Variants in MAP2K5 observed in about 807,000 individuals in gnomAD.
MAP2K5 encodes the protein dual specificity mitogen-activated protein kinase kinase 5.
A neutral mutation model predicts 83.1 loss-of-function variants in MAP2K5; 49 were observed. That is an observed-to-expected ratio of 0.59 (90% CI 0.47 to 0.75). The LOEUF (loss-of-function observed/expected upper bound fraction) is 0.75, where lower values mean the gene tolerates loss of function less well. MAP2K5 is among the 30% of genes least tolerant of loss of function. The probability of loss-of-function intolerance (pLI) is 0.00; values close to 1 mark genes in which losing one functional copy is unlikely to be tolerated. For synonymous variants in MAP2K5, 202 were observed against 191.8 expected, an observed-to-expected ratio of 1.05 and a Z score of -0.44; for missense variants, 457 against 557.5, an observed-to-expected ratio of 0.82 and a Z score of 1.82.
intron 6 of MAP2K5, among the ~76,000 whole-genome samples, chr15:67,591,979 C>T (rs886736727): frequency 9.2e-5 from 14 of 151,848 alleles, no homozygotes; most frequent in African/African-American, 3.1e-4. Flanking sequence ...GGCATGGTGG[C>T]ACATGCCTAT....
At chr15:67,545,022 C>G (rs892300758) in intron 1 of MAP2K5, among the ~76,000 whole-genome samples, 1 of 152,186 alleles carries the variant, frequency 6.6e-6, no homozygotes, top group Non-Finnish European at 1.5e-5. Flanking sequence ...CTGCCTGGCA[C>G]CTGTGTCATC....
chr15:67,749,209 C>A lies in MAP2K5; in HGVS notation c.1134+608C>A, dbSNP rs544160098. Among the ~76,000 whole-genome samples, 2 of 152,310 alleles carry A rather than the reference C, an allele frequency of 1.3e-5. No homozygotes were observed. The highest frequency in any genetic ancestry group is 4.8e-5 in the African/African-American group (2 of 41,570). On this transcript the variant is annotated intron_variant, in intron 19 of 21. Transcript: ENST00000178640. This position sits in a 1 kb window ranked among gnomAD's most constrained non-coding sequence, Gnocchi z 4.6. The stretch of plus-strand genomic sequence containing the variant: ...TCCTTATCCATTGAATTCCACTGTT[C>A]CTTTGCCTTCATGGTGCTAATCTAC...
At chr15:67,713,730 C>T (rs879288606) in intron 16 of MAP2K5, among the ~76,000 whole-genome samples, 19 of 150,152 alleles carry the variant, frequency 1.3e-4, no homozygotes, top group Admixed American at 2.0e-4. Context: ...AGTGAGACTC[C>T]GTCTCAAAAA....
intron 15 of MAP2K5, among the ~76,000 whole-genome samples, chr15:67,694,411 T>C (rs1212505934): frequency 6.6e-6 from 1 of 152,170 alleles, no homozygotes; most frequent in Admixed American, 6.5e-5. Context: ...AATTAAATGA[T>C]GTTAGTATGG....
intron 15 of MAP2K5, among the ~76,000 whole-genome samples, chr15:67,694,015 AAGGTTTAG>A: frequency 1.3e-5 from 2 of 152,186 alleles, no homozygotes; most frequent in South Asian, 4.1e-4. Flanking sequence ...TCTGAATGTA[AAGGTTTAG>A]GGGGCAGTTT....
intron 14 of MAP2K5, among the ~76,000 whole-genome samples, chr15:67,693,012 A>G (rs1045597562): frequency 1.6e-4 from 25 of 152,208 alleles, no homozygotes; most frequent in African/African-American, 5.3e-4. Context: ...ACCCATGAGC[A>G]TGCTGTGATG....
chr15:67,607,159 C>T (rs1382507685), intron 8 of MAP2K5, among the ~76,000 whole-genome samples: 1 of 152,116 alleles, frequency 6.6e-6, no homozygotes, highest in Non-Finnish European at 1.5e-5. Flanking sequence ...CTTAAGGAGT[C>T]TTTTCCTTGC....
chr15:67,557,388 A>G (rs1232175901), intron 2 of MAP2K5, among the ~76,000 whole-genome samples: 1 of 152,224 alleles, frequency 6.6e-6, no homozygotes, highest in East Asian at 1.9e-4. Flanking sequence ...ACACTCATGT[A>G]TTCTAATCTG....
rs1383951217 is a variant in MAP2K5, at chr15:67,543,288, G to A, written c.-48G>A. 3.7e-6 allele frequency: 6 copies of A among 1,610,478 alleles called. No homozygotes were observed. The highest frequency in any genetic ancestry group is 3.3e-5 in the Admixed American group (2 of 59,920). ...CTCTTGGAGCCCCCTCCTAACCAGC[G>A]GCCAGTGGGTTTCCCATACCCCAGG... On this transcript the variant is annotated 5_prime_UTR_variant, in exon 1 of 22. Transcript: ENST00000178640. The surrounding 1 kb of genome is among the most constrained non-coding windows in gnomAD (Gnocchi z 4.3).
At chr15:67,682,621 C>T (rs1164370177) in intron 13 of MAP2K5, among the ~76,000 whole-genome samples, 2 of 151,298 alleles carry the variant, frequency 1.3e-5, no homozygotes, top group Non-Finnish European at 3.0e-5. Flanking sequence ...ATCATGAGGT[C>T]AGGAGATCAA....
rs1490300543 is a variant in MAP2K5, at chr15:67,554,490, G to A, written c.184+4408G>A. Reference sequence around the variant, plus strand: ...GGTAGCTGTCAAATGTACCTGTTTTGTATAAATGTAGAGAAAAAGAGTTGA... The same window carrying A: ...GGTAGCTGTCAAATGTACCTGTTTTATATAAATGTAGAGAAAAAGAGTTGA... On this transcript the variant is annotated intron_variant, in intron 2 of 21. Transcript: ENST00000178640. Among the ~76,000 whole-genome samples the A allele has an allele frequency of 4.6e-5, 7 of 152,316 alleles. No individual in the cohort carries two copies. The South Asian group carries it at 6.2e-4, about 14-fold the overall frequency.
intron 12 of MAP2K5, among the ~76,000 whole-genome samples, chr15:67,661,369 G>A (rs1267197045): frequency 6.6e-6 from 1 of 152,102 alleles, no homozygotes; most frequent in Non-Finnish European, 1.5e-5. Context: ...GTTGATTGAA[G>A]TTGTCCCTGA....
rs953484237 is a variant in MAP2K5 at position 67,626,344 on chromosome 15, G to A, written c.546-4544G>A. ...TTGAGACCAGCCTGGCCAACATGGTGAAACCTTGTCTCTATGAAAAATACA... is the reference window on the plus strand; with the variant it reads ...TTGAGACCAGCCTGGCCAACATGGTAAAACCTTGTCTCTATGAAAAATACA... On this transcript the variant is annotated intron_variant, in intron 8 of 21. Transcript: ENST00000178640. Among the ~76,000 whole-genome samples, 41 of 152,092 alleles carry A rather than the reference G, an allele frequency of 2.7e-4. 1 individual carries two copies. Among genetic ancestry groups the A allele is most frequent in the African/African-American group, 9.7e-4 (40 of 41,400 alleles).
At chr15:67,796,948 C>T (rs985766422) in intron 21 of MAP2K5, among the ~76,000 whole-genome samples, 1 of 152,132 alleles carries the variant, frequency 6.6e-6, no homozygotes, top group Admixed American at 6.5e-5. Flanking sequence ...TTCTAGGAAC[C>T]GGCACACATT....
intron 4 of MAP2K5, among the ~76,000 whole-genome samples, chr15:67,582,037 A>C (rs2085187851): frequency 6.6e-6 from 1 of 150,990 alleles, no homozygotes; most frequent in Non-Finnish European, 1.5e-5. Flanking sequence ...TATTAGTCCA[A>C]TGATTAGGAT....
chr15:67,769,123 A>T lies in MAP2K5; in HGVS notation c.1135-479A>T, dbSNP rs746048227. ...CTATTAAAGTAAAAAAAAAAAATTGATCCAAATTATTCTGTTAGGGGCAAA... is the reference window on the plus strand; with the variant it reads ...CTATTAAAGTAAAAAAAAAAAATTGTTCCAAATTATTCTGTTAGGGGCAAA... On this transcript the variant is annotated intron_variant, in intron 19 of 21. Coordinates refer to ENST00000178640, the MANE Select transcript of MAP2K5 (RefSeq NM_145160.3). This position sits in a 1 kb window ranked among gnomAD's most constrained non-coding sequence, Gnocchi z 5.2. 6.6e-6 allele frequency among the ~76,000 whole-genome samples: 1 copy of T among 151,574 alleles called. No individual in the cohort carries two copies. The highest frequency in any genetic ancestry group is 1.9e-4 in the East Asian group (1 of 5,190).
At chr15:67,728,943 T>C (rs746588236) in intron 17 of MAP2K5, among the ~76,000 whole-genome samples, 7 of 152,244 alleles carry the variant, frequency 4.6e-5, no homozygotes, top group Non-Finnish European at 1.0e-4. Flanking sequence ...CTCAATGAAA[T>C]GTCTCTTTCG....
At chr15:67,618,076 A>G (rs564487698) in intron 8 of MAP2K5, among the ~76,000 whole-genome samples, 1 of 152,322 alleles carries the variant, frequency 6.6e-6, no homozygotes, top group Admixed American at 6.5e-5. Flanking sequence ...TCGCATTAAC[A>G]GTTTAGATGA....
intron 8 of MAP2K5, among the ~76,000 whole-genome samples, chr15:67,619,350 C>G (rs541276856): frequency 6.6e-6 from 1 of 152,268 alleles, no homozygotes; most frequent in African/African-American, 2.4e-5. Flanking sequence ...TATTGTCAGT[C>G]AGCCCCTATT....
Sources: allele counts gnomAD v4.1 joint callset (sites outside exome capture counted in the v4.1 genomes callset), GRCh38; gene constraint gnomAD v4.1.1; non-coding constraint Gnocchi (gnomAD v3.1); transcripts MANE v1.5; gene names NCBI Gene and HGNC (gene_info 2026-07-23, HGNC 2026-07-21).